Variants in JPH1 observed in about 807,000 individuals in gnomAD.
JPH1 encodes the protein junctophilin 1.
JPH1 carries 12 observed loss-of-function variants against 53.6 expected under a neutral mutation model. The observed-to-expected ratio is 0.22, with a 90% CI of 0.14 to 0.36. The LOEUF is 0.36. JPH1 is among the 10% of genes least tolerant of loss of function. The pLI is 1.00. For synonymous variants in JPH1, 375 were observed against 363.8 expected (o/e 1.03, Z -0.35); for missense variants, 808 against 905.5 (o/e 0.89, Z 1.38).
intron 2 of JPH1, among the ~76,000 whole-genome samples, chr8:74,309,676 A>G (rs943908050): frequency 1.4e-4 from 21 of 152,234 alleles, no homozygotes; most frequent in Non-Finnish European, 1.5e-5. Context: ...GTAAAAATTG[A>G]CGAAATGAGA....
At chr8:74,308,510 T>A (rs1807902822) in intron 2 of JPH1, among the ~76,000 whole-genome samples, 1 of 152,242 alleles carries the variant, frequency 6.6e-6, no homozygotes, top group Non-Finnish European at 1.5e-5. Context: ...ATTCCCTAAG[T>A]TGTGAGAATT....
At chr8:74,249,953 CAG>C (rs1805990304) in intron 3 of JPH1, among the ~76,000 whole-genome samples, 1 of 152,180 alleles carries the variant, frequency 6.6e-6, no homozygotes, top group Non-Finnish European at 1.5e-5. Context: ...GGATGATACC[CAG>C]AGAAGCAGGC....
At position 74,320,977 on chromosome 8, in the gene JPH1, G is replaced by A. The variant is rs766434686; in HGVS notation, c.311C>T (p.Ala104Val). 1 of 1,611,218 alleles carries A rather than the reference G, an allele frequency of 6.2e-7. No individual in the cohort carries two copies. The highest frequency in any genetic ancestry group is 1.1e-5 in the South Asian group (1 of 90,656). ...YGVRQSLCTP[A>V]RYEGTWSNGL... ...GTTACTCCAGGTACCCTCGTAGCGA[G>A]CGGGGGTGCACAGGCTCTGCCGGAC... The change falls in exon 1 of 6, where the codon GCT (alanine) becomes GTT (valine). Residue 104 changes from alanine to valine, a missense_variant. Around this residue, in one of 2 missense-constraint regions of JPH1, gnomAD observed 756 missense variants for 811.9 expected, o/e 0.93. Coordinates refer to ENST00000342232, the MANE Select transcript of JPH1 (RefSeq NM_020647.4). This position sits in a 1 kb window ranked among gnomAD's most constrained non-coding sequence, Gnocchi z 4.4.
chr8:74,277,790 G>A (rs552860383), intron 2 of JPH1, among the ~76,000 whole-genome samples: 1 of 152,146 alleles, frequency 6.6e-6, no homozygotes, highest in East Asian at 1.9e-4. Flanking sequence ...AGCATTCAAT[G>A]GCATGCAGAG....
intron 2 of JPH1, among the ~76,000 whole-genome samples, chr8:74,288,753 CAATT>C (rs1807240066): frequency 6.6e-6 from 1 of 152,302 alleles, no homozygotes; most frequent in Middle Eastern, 3.4e-3. Context: ...GCAGTTTTTG[CAATT>C]AATTAGGTTG....
intron 2 of JPH1, among the ~76,000 whole-genome samples, chr8:74,280,216 G>T (rs1158898515): frequency 6.6e-6 from 1 of 152,126 alleles, no homozygotes; most frequent in East Asian, 1.9e-4. Context: ...TAACACTCGA[G>T]GATTAATAGT....
At position 74,244,844 on chromosome 8, in the gene JPH1, G is replaced by C; in HGVS notation, c.1590C>G (p.Ser530=). 6.2e-7 allele frequency: 1 copy of C among 1,614,192 alleles called. No homozygotes were observed. Among genetic ancestry groups the C allele is most frequent in the South Asian group, 1.1e-5 (1 of 91,078 alleles). ...TKEAGAVVPQ[S]KYSGRHHIPN... ...GGATGTGGTGGCGGCCAGAGTACTT[G>C]GACTGGGGCACAACCGCTCCTGCCT... Residue 530 remains serine (S), a synonymous_variant, in exon 4 of 6, where the codon TCC becomes TCG. Transcript: ENST00000342232.
chr8:74,271,233 G>C (rs1290837364), intron 2 of JPH1, among the ~76,000 whole-genome samples: 2 of 152,150 alleles, frequency 1.3e-5, no homozygotes, highest in Non-Finnish European at 2.9e-5. Flanking sequence ...TAGGGGTAGG[G>C]AAAGCTACCC....
intron 3 of JPH1, 76 bp downstream of exon 3, chr8:74,259,309 T>C (rs1474664111): frequency 2.7e-6 from 3 of 1,111,418 alleles, no homozygotes; most frequent in Non-Finnish European, 4.0e-6. Flanking sequence ...CACATCTTTA[T>C]GTTGAAAGGA....
chr8:74,313,330 G>C (rs1808049224), intron 2 of JPH1, among the ~76,000 whole-genome samples: 2 of 152,288 alleles, frequency 1.3e-5, no homozygotes, highest in Non-Finnish European at 2.9e-5. Flanking sequence ...CCAAAACTGT[G>C]ATCTGAAGTA....
intron 2 of JPH1, among the ~76,000 whole-genome samples, chr8:74,287,567 AG>A (rs1424756742): frequency 1.3e-5 from 2 of 152,186 alleles, no homozygotes; most frequent in African/African-American, 4.8e-5. Context: ...GAAACAGCCT[AG>A]ATCTTTTTCT....
intron 2 of JPH1, among the ~76,000 whole-genome samples, chr8:74,273,398 A>T (rs967825512): frequency 4.6e-5 from 7 of 151,954 alleles, no homozygotes; most frequent in Non-Finnish European, 1.0e-4. Context: ...TTATCCTCTA[A>T]TGTTTTTTGG....
intron 3 of JPH1, among the ~76,000 whole-genome samples, chr8:74,247,770 T>G (rs1805900746): frequency 6.6e-6 from 1 of 152,226 alleles, no homozygotes; most frequent in Non-Finnish European, 1.5e-5. Context: ...AAATGTCATT[T>G]TTTTGAGGTG....
rs540739371 is a variant in JPH1 at position 74,310,579 on chromosome 8, C to A, written c.1139+4282G>T. ...TAGTCCTTGATCTGTCGGAATTATACAGGGGCCCATAATAAGCCTTCTGAA... is the reference window on the plus strand; with the variant it reads ...TAGTCCTTGATCTGTCGGAATTATAAAGGGGCCCATAATAAGCCTTCTGAA... On this transcript the variant is annotated intron_variant, in intron 2 of 5. Transcript: ENST00000342232. 3.3e-5 allele frequency among the ~76,000 whole-genome samples: 5 copies of A among 152,230 alleles called. No individual in the cohort carries two copies. In the South Asian group the frequency reaches 6.2e-4, roughly 19 times the overall value.
At chr8:74,281,776 TA>T in intron 2 of JPH1, among the ~76,000 whole-genome samples, 1 of 152,166 alleles carries the variant, frequency 6.6e-6, no homozygotes, top group African/African-American at 2.4e-5. Flanking sequence ...GGTCATGGGA[TA>T]AATCTTCTTG....
intron 2 of JPH1, among the ~76,000 whole-genome samples, chr8:74,260,176 T>C (rs1806350229): frequency 6.6e-6 from 1 of 152,202 alleles, no homozygotes; most frequent in African/African-American, 2.4e-5. Context: ...AGCTGACTTT[T>C]AGGCATGTTT....
At chr8:74,268,279 T>A (rs1308513648) in intron 2 of JPH1, among the ~76,000 whole-genome samples, 1 of 152,074 alleles carries the variant, frequency 6.6e-6, no homozygotes, top group Non-Finnish European at 1.5e-5. Flanking sequence ...TGTACAGAAG[T>A]TCTAACGAAT....
At chr8:74,272,577 A>G (rs965811070) in intron 2 of JPH1, among the ~76,000 whole-genome samples, 17 of 147,258 alleles carry the variant, frequency 1.2e-4, no homozygotes, top group Non-Finnish European at 2.3e-4. Flanking sequence ...TTGATCAGAG[A>G]TGCCTCTGTT....
chr8:74,297,196 C>T (rs1807545321), intron 2 of JPH1, among the ~76,000 whole-genome samples: 1 of 152,246 alleles, frequency 6.6e-6, no homozygotes, highest in African/African-American at 2.4e-5. Context: ...ACACCCAACA[C>T]CTGGCTGTTT....
Sources: allele counts gnomAD v4.1 joint callset (sites outside exome capture counted in the v4.1 genomes callset), GRCh38; gene constraint gnomAD v4.1.1; regional missense constraint gnomAD v4.1.1; non-coding constraint Gnocchi (gnomAD v3.1); transcripts MANE v1.5; gene names NCBI Gene and HGNC (gene_info 2026-07-23, HGNC 2026-07-21).